Variants in TEX11 observed in about 807,000 individuals in gnomAD.
TEX11 encodes testis-expressed protein 11.
TEX11 carries 7 observed loss-of-function variants against 84.4 expected under a neutral mutation model. That is an observed-to-expected ratio of 0.08 (90% confidence interval 0.05 to 0.16). TEX11 has a LOEUF of 0.16. Among genes scored for constraint, TEX11 ranks in the 10% least tolerant of loss-of-function variants. The pLI, the probability that TEX11 is intolerant of heterozygous loss-of-function variation, is 1.00. For synonymous variants in TEX11, 264 were observed against 222.8 expected (o/e 1.18, Z -1.64); for missense variants, 551 against 660.5 (o/e 0.83, Z 1.82).
At chrX:70,709,770 C>A (rs1465588626) in intron 13 of TEX11, among the ~76,000 whole-genome samples, 1 of 110,843 alleles carries the variant, frequency 9.0e-6, no homozygotes, top group Non-Finnish European at 1.9e-5. Flanking sequence ...AACAGGAAAG[C>A]TGGGAATAAA....
At chrX:70,618,448 C>T (rs1028388057) in intron 20 of TEX11, among the ~76,000 whole-genome samples, 5 of 111,621 alleles carry the variant, frequency 4.5e-5, no homozygotes, top group Non-Finnish European at 7.5e-5. Flanking sequence ...TGAACCTAGA[C>T]ATATTCCTCT....
chrX:70,849,484 C>G (rs1327367595), intron 7 of TEX11, among the ~76,000 whole-genome samples: 1 of 111,764 alleles, frequency 8.9e-6, no homozygotes, highest in Non-Finnish European at 1.9e-5. Context: ...GAAGATATTC[C>G]TTGTCTGTTG....
intron 25 of TEX11, among the ~76,000 whole-genome samples, chrX:70,570,782 C>T (rs928938800): frequency 9.0e-6 from 1 of 111,393 alleles, no homozygotes; most frequent in Non-Finnish European, 1.9e-5. Context: ...GGTAGCTGTA[C>T]TTTTCAAGGA....
chrX:70,788,186 A>T, intron 9 of TEX11, among the ~76,000 whole-genome samples: 1 of 112,164 alleles, frequency 8.9e-6, no homozygotes, highest in East Asian at 2.8e-4. Flanking sequence ...ATGGATCCAC[A>T]AAAAACACCA....
At chrX:70,711,829 A>G (rs1405100437) in intron 13 of TEX11, among the ~76,000 whole-genome samples, 1 of 111,506 alleles carries the variant, frequency 9.0e-6, no homozygotes, top group Non-Finnish European at 1.9e-5. Flanking sequence ...TTTTGTTGCC[A>G]TTGCTTTTGC....
At chrX:70,669,273 G>A (rs961662463) in intron 16 of TEX11, among the ~76,000 whole-genome samples, 2 of 111,762 alleles carry the variant, frequency 1.8e-5, no homozygotes, top group Non-Finnish European at 3.8e-5. Flanking sequence ...TCCAGATATA[G>A]GTCCTTCCCA....
intron 17 of TEX11, 137 bp from the exon 18 acceptor site, chrX:70,629,872 G>A (rs750948610): frequency 5.9e-6 from 3 of 507,515 alleles, no homozygotes; most frequent in South Asian, 8.2e-5. Flanking sequence ...AAAGTAATGT[G>A]AGTTGCTAAG....
chrX:70,578,833 C>T (rs1319308675), intron 25 of TEX11, among the ~76,000 whole-genome samples: 3 of 94,932 alleles, frequency 3.2e-5, no homozygotes, highest in African/African-American at 1.2e-4. Flanking sequence ...TGCAATTGCA[C>T]GATCTTGGCT....
intron 25 of TEX11, among the ~76,000 whole-genome samples, chrX:70,562,414 A>G (rs926106765): frequency 8.9e-6 from 1 of 112,224 alleles, no homozygotes; most frequent in African/African-American, 3.2e-5. Flanking sequence ...AAAACTGACT[A>G]AATATGTAAA....
intron 14 of TEX11, among the ~76,000 whole-genome samples, chrX:70,679,557 G>A (rs1228959273): frequency 2.9e-5 from 3 of 103,458 alleles, no homozygotes; most frequent in Non-Finnish European, 4.0e-5. Context: ...CGGCCGCCCC[G>A]TCTGAGAAGT....
At chrX:70,705,642 G>A (rs1235185507) in intron 13 of TEX11, among the ~76,000 whole-genome samples, 1 of 111,659 alleles carries the variant, frequency 9.0e-6, no homozygotes, top group African/African-American at 3.3e-5. Context: ...ATCAAAAAGT[G>A]GGCAAAGGAT....
At chrX:70,772,584 T>C (rs1467536797) in intron 9 of TEX11, among the ~76,000 whole-genome samples, 1 of 110,744 alleles carries the variant, frequency 9.0e-6, no homozygotes, top group African/African-American at 3.3e-5. Flanking sequence ...AAAAAATTCT[T>C]TTTAAATAAT....
At chrX:70,649,115 C>T (rs1234592299) in intron 17 of TEX11, among the ~76,000 whole-genome samples, 2 of 111,897 alleles carry the variant, frequency 1.8e-5, no homozygotes, top group Admixed American at 9.5e-5. Context: ...TCCAGTCTGC[C>T]ATTGATGGGC....
At chrX:70,549,845 G>A (rs1447985847) in intron 28 of TEX11, among the ~76,000 whole-genome samples, 1 of 112,740 alleles carries the variant, frequency 8.9e-6, no homozygotes, top group East Asian at 2.8e-4. Context: ...GCCCTGAAGG[G>A]AAGGACAGCC....
chrX:70,701,155 T>C (rs548275473), intron 13 of TEX11, among the ~76,000 whole-genome samples: 2 of 112,463 alleles, frequency 1.8e-5, no homozygotes, highest in African/African-American at 6.4e-5. Context: ...CTACACTAAA[T>C]AATAAATTTT....
chrX:70,639,355 A>T (rs1268781592), intron 17 of TEX11, among the ~76,000 whole-genome samples: 1 of 111,769 alleles, frequency 8.9e-6, no homozygotes, highest in Non-Finnish European at 1.9e-5. Flanking sequence ...GGCGCCCACC[A>T]TTGCCCAGGC....
At chrX:70,854,085 T>C (rs1325388440) in intron 5 of TEX11, among the ~76,000 whole-genome samples, 1 of 111,786 alleles carries the variant, frequency 8.9e-6, no homozygotes, top group African/African-American at 3.3e-5. Flanking sequence ...TCAAATCAAA[T>C]ATGAGCAAGA....
At chrX:70,645,840 A>T (rs1212965588) in intron 17 of TEX11, among the ~76,000 whole-genome samples, 2 of 111,079 alleles carry the variant, frequency 1.8e-5, no homozygotes, top group African/African-American at 6.5e-5. Context: ...AAATGTCCAT[A>T]CTACCCAAGG....
intron 11 of TEX11, among the ~76,000 whole-genome samples, chrX:70,735,640 C>T (rs2090690017): frequency 8.9e-6 from 1 of 111,982 alleles, no homozygotes; most frequent in Non-Finnish European, 1.9e-5. Flanking sequence ...GTTAAGATAG[C>T]AATAATTCCC....
Sources: gnomAD v4.1 joint callset for allele counts (sites outside exome capture counted in the v4.1 genomes callset) on GRCh38, gnomAD v4.1.1 for gene constraint, MANE v1.5 for transcripts, NCBI Gene and HGNC (gene_info 2026-07-23, HGNC 2026-07-21) for gene names.